Variants in GLS observed in about 807,000 individuals in gnomAD.
The protein encoded by GLS is glutaminase kidney isoform, mitochondrial.
GLS carries 36 observed loss-of-function variants against 86.7 expected under a neutral mutation model. The observed-to-expected ratio is 0.42, with a 90% confidence interval of 0.32 to 0.55. The LOEUF (loss-of-function observed/expected upper bound fraction) is 0.55, where lower values mean the gene tolerates loss of function less well. Among genes scored for constraint, GLS ranks in the 20% least tolerant of loss-of-function variants. The pLI, the probability that GLS is intolerant of heterozygous loss-of-function variation, is 0.17. For synonymous variants in GLS, 317 were observed against 305.9 expected (o/e 1.04, Z -0.38); for missense variants, 528 against 833.4 (o/e 0.63, Z 4.51).
In GLS at chr2:190,895,473, A is replaced by C. The variant is rs1688701260; in HGVS notation, c.484-131A>C. The C allele has an allele frequency of 1.6e-6, 1 of 632,276 alleles. No homozygotes were observed. The highest frequency in any genetic ancestry group is 2.7e-5 in the East Asian group (1 of 36,856). The allele number at this position is 632,276 out of a possible 1,614,324, so 39.2% of individuals were successfully genotyped here. A position where few individuals can be genotyped will look rare whatever the true frequency, so the allele number is the denominator to read the frequency against. ...TGTCCAGAAAGTGGGTAATAGTGAC[A>C]CTAAGATGCCATATTCATGTTCAAG... On this transcript the variant is annotated intron_variant, in intron 2 of 17. Transcript: ENST00000320717. This position sits in a 1 kb window ranked among gnomAD's most constrained non-coding sequence, Gnocchi z 4.2.
rs879557630 is a variant in GLS, at chr2:190,914,431, GT to G, written c.1038+4122del. On this transcript the variant is annotated intron_variant, in intron 7 of 17. Transcript: ENST00000320717. This position sits in a 1 kb window ranked among gnomAD's most constrained non-coding sequence, Gnocchi z 4.4. ...CTTGTTTATATCAGTTTATGCTTTA[GT>G]TTTTTTTTTTTAATGAAAGGTAGAG... is the stretch of plus-strand genomic sequence containing the variant. Among the ~76,000 whole-genome samples the G allele has an allele frequency of 4.4e-3, 630 of 142,292 alleles. No individual in the cohort carries two copies. The highest frequency in any genetic ancestry group is 0.012 in the African/African-American group (461 of 39,036). 93.3% of individuals were successfully genotyped at this position (142,292 alleles called of 152,430 possible).
chr2:190,945,664 C>CAA (rs1195607642), intron 14 of GLS, among the ~76,000 whole-genome samples: 1 of 109,460 alleles, frequency 9.1e-6, no homozygotes, highest in Non-Finnish European at 1.9e-5. Flanking sequence ...GAGCCTGTCT[C>CAA]AAAAAAAAAA....
At chr2:190,892,389 T>C (rs1169322563) in intron 1 of GLS, among the ~76,000 whole-genome samples, 1 of 152,174 alleles carries the variant, frequency 6.6e-6, no homozygotes, top group African/African-American at 2.4e-5. Context: ...TTTTATGTTT[T>C]TCTCTTCAGG....
chr2:190,954,853 A>G lies in GLS; in HGVS notation c.1853+35A>G, dbSNP rs773110146. The G allele has an allele frequency of 2.2e-6, 3 of 1,350,030 alleles. No homozygotes were observed. In the Admixed American group the frequency reaches 5.7e-5, roughly 26 times the overall value. The allele number at this position is 1,350,030 out of a possible 1,614,324, so 83.6% of individuals were successfully genotyped here. A position where few individuals can be genotyped will look rare whatever the true frequency, so the allele number is the denominator to read the frequency against. Reference sequence around the variant, plus strand: ...TATGTTACCTTCTAAATATGTCAGTATTTTATTATGCAGGACTGTAATATT... The same window carrying G: ...TATGTTACCTTCTAAATATGTCAGTGTTTTATTATGCAGGACTGTAATATT... On this transcript the variant is annotated intron_variant, in intron 17 of 17. Coordinates refer to ENST00000320717, the MANE Select transcript of GLS (RefSeq NM_014905.5). The surrounding 1 kb of genome is among the most constrained non-coding windows in gnomAD (Gnocchi z 4.0).
chr2:190,928,804 A>G lies in GLS; in HGVS notation c.1425+1322A>G, dbSNP rs187313221. 1.7e-3 allele frequency among the ~76,000 whole-genome samples: 235 copies of G among 140,050 alleles called. 3 individuals carry two copies. The highest frequency in any genetic ancestry group is 0.015 in the South Asian group (67 of 4,512). The allele number at this position is 140,050 out of a possible 152,430, so 91.9% of individuals were successfully genotyped here. A position where few individuals can be genotyped will look rare whatever the true frequency, so the allele number is the denominator to read the frequency against. Reference sequence around the variant, plus strand: ...GGAAAAACTGGGTAATTTAGTCTATACAGTTTTCCACTGTCTCTACATTGC... The same window carrying G: ...GGAAAAACTGGGTAATTTAGTCTATGCAGTTTTCCACTGTCTCTACATTGC... On this transcript the variant is annotated intron_variant, in intron 12 of 17. Transcript: ENST00000320717.
In GLS at chr2:190,953,547, A is replaced by C. The variant is rs1690774900; in HGVS notation, c.1651-18A>C. The C allele has an allele frequency of 6.3e-7, 1 of 1,584,588 alleles. No individual in the cohort carries two copies. Among genetic ancestry groups the C allele is most frequent in the Admixed American group, 1.7e-5 (1 of 59,894 alleles). On this transcript the variant is annotated intron_variant, in intron 14 of 17. Transcript: ENST00000320717. The surrounding 1 kb of genome is among the most constrained non-coding windows in gnomAD (Gnocchi z 4.0). ...TTTTCTCTCTCCTAAGGATGCCTAA[A>C]CTTTCTTTTCTTCACAGGTAAAGTC...
In GLS at chr2:190,887,109, CT is replaced by C. The variant is rs530520902; in HGVS notation, c.386+5642del. Among the ~76,000 whole-genome samples, 20 of 152,202 alleles carry C rather than the reference CT, an allele frequency of 1.3e-4. No homozygotes were observed. In the East Asian group the frequency reaches 3.7e-3, roughly 28 times the overall value. Reference sequence around the variant, plus strand: ...TAGTTGCCTGTCTGTGCCTTTTCACCTTTAAGTCATTTGCTAGTAAGAGAAA... The same window carrying C: ...TAGTTGCCTGTCTGTGCCTTTTCACCTTAAGTCATTTGCTAGTAAGAGAAA... On this transcript the variant is annotated intron_variant, in intron 1 of 17. Transcript: ENST00000320717.
At chr2:190,902,610 TAGAA>T (rs1688984620) in intron 5 of GLS, among the ~76,000 whole-genome samples, 1 of 152,266 alleles carries the variant, frequency 6.6e-6, no homozygotes, top group East Asian at 1.9e-4. Context: ...GAGGGCGCTT[TAGAA>T]AGAATGATTT....
Position 190,924,555 on chromosome 2 carries a change from G to A in GLS, c.1210G>A (p.Gly404Ser). 6.3e-7 allele frequency: 1 copy of A among 1,575,050 alleles called. No individual in the cohort carries two copies. The highest frequency in any genetic ancestry group is 8.7e-7 in the Non-Finnish European group (1 of 1,144,544). Residue 404 changes from glycine (G) to serine (S), a missense_variant, in exon 11 of 18, where the codon GGC (glycine) becomes AGC (serine). This residue lies in a region of GLS where 163 missense variants were observed against 429.2 expected (regional missense o/e 0.38). Transcript: ENST00000320717. This position sits in a 1 kb window ranked among gnomAD's most constrained non-coding sequence, Gnocchi z 5.2. ...CTGGTTTTTTTAGTGTTTTCCAGAA[G>A]GCACAGACATGGTTGGTATATTAGA... is the stretch of plus-strand genomic sequence containing the variant. ...YLKEKKCFPE[G>S]TDMVGILDFY...
At position 190,881,409 on chromosome 2, in the gene GLS, C is replaced by T; in HGVS notation, c.325C>T (p.Pro109Ser). ...APAAPGPKDGPGETDAFGNSE... is the reference protein window; with the variant it reads ...APAAPGPKDGSGETDAFGNSE... Reference sequence around the variant, plus strand: ...GGCGGCGCCCGGCCCCAAGGACGGCCCCGGGGAGACGGACGCGTTTGGCAA... The same window carrying T: ...GGCGGCGCCCGGCCCCAAGGACGGCTCCGGGGAGACGGACGCGTTTGGCAA... The change falls in exon 1 of 18, where the codon CCC (proline) becomes TCC (serine). Residue 109 changes from proline (P) to serine (S), a missense_variant. Physicochemically the swap from Pro to Ser is moderately conservative, Grantham distance 74. Around this residue, in one of 4 missense-constraint regions of GLS, gnomAD observed 224 missense variants for 187.9 expected, o/e 1.19. Coordinates refer to ENST00000320717, the MANE Select transcript of GLS (RefSeq NM_014905.5). The T allele has an allele frequency of 6.5e-7, 1 of 1,545,088 alleles. No individual in the cohort carries two copies. The highest frequency in any genetic ancestry group is 2.5e-5 in the East Asian group (1 of 40,388).
rs1336025035 is a variant in GLS, at chr2:190,964,321, A to ATATT, written c.*1336_*1339dup. 7 of 152,286 alleles carry ATATT rather than the reference A, an allele frequency of 4.6e-5. No individual in the cohort carries two copies. Among genetic ancestry groups the ATATT allele is most frequent in the African/African-American group, 1.7e-4 (7 of 41,554 alleles). 9.4% of individuals were successfully genotyped at this position (152,286 alleles called of 1,614,324 possible). A position where few individuals can be genotyped will look rare whatever the true frequency, so the allele number is the denominator to read the frequency against. On this transcript the variant is annotated 3_prime_UTR_variant, in exon 18 of 18. Transcript: ENST00000320717. The surrounding 1 kb of genome is among the most constrained non-coding windows in gnomAD (Gnocchi z 5.2). The stretch of plus-strand genomic sequence containing the variant: ...AGTGGCATGTTAGTGAGGAGTTCTG[A>ATATT]TATTAAGCACACACACACATGCACA...
intron 14 of GLS, among the ~76,000 whole-genome samples, chr2:190,950,248 T>C (rs560717265): frequency 6.6e-6 from 1 of 152,134 alleles, no homozygotes; most frequent in South Asian, 2.1e-4. Flanking sequence ...ATATGTGCAG[T>C]GTAACCAGGA....
chr2:190,962,931 C>T lies in GLS; in HGVS notation c.1955C>T (p.Ser652Phe). The change falls in exon 18 of 18, where the codon TCT becomes TTT. Residue 652 changes from serine (S) to phenylalanine (F), a missense_variant. Ser to Phe is a radical substitution (Grantham distance 155). Coordinates refer to ENST00000320717, the MANE Select transcript of GLS (RefSeq NM_014905.5). The surrounding 1 kb of genome is among the most constrained non-coding windows in gnomAD (Gnocchi z 4.2). ...GTCCAGTACACACCTCAAGGAGATT[C>T]TGACAACGGGAAGGAAAATCAAACC... ...YQVQYTPQGD[S>F]DNGKENQTVH... is the part of the protein sequence containing the mutation. 6.2e-7 allele frequency: 1 copy of T among 1,610,508 alleles called. No individual in the cohort carries two copies. Among genetic ancestry groups the T allele is most frequent in the Non-Finnish European group, 8.5e-7 (1 of 1,178,344 alleles).
rs1305266865 is a variant in GLS, at chr2:190,921,053, CTATG to C, written c.1071_1071+3del. 5 of 1,583,122 alleles carry C rather than the reference CTATG, an allele frequency of 3.2e-6. No individual in the cohort carries two copies. Among genetic ancestry groups the C allele is most frequent in the Non-Finnish European group, 4.3e-6 (5 of 1,152,958 alleles). ...GAGTAAATAATGCTGAAAAATTTGA[CTATG>C]TAAGTGCAACATGTCATTCAGTTTT... On this transcript the variant is annotated splice_donor_variant and coding_sequence_variant, in exon 8 of 18. Coordinates refer to ENST00000320717, the MANE Select transcript of GLS (RefSeq NM_014905.5). LOFTEE classifies it high-confidence loss of function. The surrounding 1 kb of genome is among the most constrained non-coding windows in gnomAD (Gnocchi z 4.2).
rs537892783 is a variant in GLS at position 190,910,039 on chromosome 2, TA to T, written c.980-214del. ...GGCGACAGTCTGAAACTTTGGCTCTTAAAAAAAAAATCCCTTATAATTTTAT... is the reference window on the plus strand; with the variant it reads ...GGCGACAGTCTGAAACTTTGGCTCTTAAAAAAAAATCCCTTATAATTTTAT... On this transcript the variant is annotated intron_variant, in intron 6 of 17. Coordinates refer to ENST00000320717, the MANE Select transcript of GLS (RefSeq NM_014905.5). Among the ~76,000 whole-genome samples the T allele has an allele frequency of 9.3e-5, 14 of 150,880 alleles. No individual in the cohort carries two copies. The East Asian group carries it at 9.7e-4, about 10-fold the overall frequency.
Position 190,956,645 on chromosome 2 carries a change from C to T in GLS, c.1853+1827C>T, listed in dbSNP as rs549608121. Among the ~76,000 whole-genome samples the T allele has an allele frequency of 2.0e-5, 3 of 152,098 alleles. No homozygotes were observed. Among genetic ancestry groups the T allele is most frequent in the South Asian group, 4.2e-4 (2 of 4,814 alleles). On this transcript the variant is annotated intron_variant, in intron 17 of 17. Transcript: ENST00000320717. The surrounding 1 kb of genome is among the most constrained non-coding windows in gnomAD (Gnocchi z 4.2). ...TTTTTTCTAATTCTGTGAAGAAAGT[C>T]AATGGTAGCTTTATGGGGATAGCAT...
chr2:190,944,061 A>G (rs954507494), intron 14 of GLS, among the ~76,000 whole-genome samples: 2 of 152,196 alleles, frequency 1.3e-5, no homozygotes, highest in African/African-American at 4.8e-5. Flanking sequence ...TTCTTCCTGT[A>G]TGAATGCTAA....
In GLS at chr2:190,921,289, G is replaced by A. The variant is rs1268906220; in HGVS notation, c.1130+86G>A. ...CACTCTCTTTTCATTGGAGGGAAAT[G>A]AATGATTTCTAAATTACCTGACAGA... On this transcript the variant is annotated intron_variant, in intron 9 of 17. Coordinates refer to ENST00000320717, the MANE Select transcript of GLS (RefSeq NM_014905.5). This position sits in a 1 kb window ranked among gnomAD's most constrained non-coding sequence, Gnocchi z 4.2. 2 of 920,142 alleles carry A rather than the reference G, an allele frequency of 2.2e-6. No homozygotes were observed. Among genetic ancestry groups the A allele is most frequent in the Non-Finnish European group, 3.6e-6 (2 of 562,544 alleles). The allele number at this position is 920,142 out of a possible 1,614,324, so 57.0% of individuals were successfully genotyped here. A position where few individuals can be genotyped will look rare whatever the true frequency, so the allele number is the denominator to read the frequency against.
chr2:190,880,823 T>G lies in GLS; in HGVS notation c.-262T>G, dbSNP rs1688104503. 1 of 728,786 alleles carries G rather than the reference T, an allele frequency of 1.4e-6. No individual in the cohort carries two copies. 45.1% of individuals were successfully genotyped at this position (728,786 alleles called of 1,614,324 possible). ...GCCCTCCCCTGCGCTTTAGCCTCAGTGCGGAGCCTTAGGCGGAGCGAAGAG... is the reference window on the plus strand; with the variant it reads ...GCCCTCCCCTGCGCTTTAGCCTCAGGGCGGAGCCTTAGGCGGAGCGAAGAG... On this transcript the variant is annotated 5_prime_UTR_variant, in exon 1 of 18. Transcript: ENST00000320717.
Sources: allele counts gnomAD v4.1 joint callset (sites outside exome capture counted in the v4.1 genomes callset), GRCh38; gene constraint gnomAD v4.1.1; regional missense constraint gnomAD v4.1.1; non-coding constraint Gnocchi (gnomAD v3.1); transcripts MANE v1.5; gene names NCBI Gene and HGNC (gene_info 2026-07-23, HGNC 2026-07-21).